The following HELQ variants were observed in gnomAD, a reference collection of about 807,000 sequenced individuals.
HELQ encodes the protein helicase, POLQ like, also known as helicase POLQ-like.
Under a neutral mutation model 111.6 loss-of-function variants are expected in HELQ, and 77 were observed. That is an observed-to-expected ratio of 0.69 (90% CI 0.57 to 0.83). The LOEUF is 0.83. Among genes scored for constraint, HELQ ranks in the 40% least tolerant of loss-of-function variants. HELQ has a pLI of 0.00. For synonymous variants in HELQ, 438 were observed against 454.7 expected, an observed-to-expected ratio of 0.96 and a Z score of 0.47; for missense variants, 1,200 against 1,288.5, an observed-to-expected ratio of 0.93 and a Z score of 1.05.
Position 83,431,655 on chromosome 4 carries a change from G to GA in HELQ, c.2295+8dup. The stretch of plus-strand genomic sequence containing the variant: ...AACAGTAATAAGATAAAAAATTTAA[G>GA]AAAAATACCTTCAAACCAATCAAAG... On this transcript the variant is annotated intron_variant, in intron 11 of 17. Transcript: ENST00000295488. 1 of 1,477,044 alleles carries GA rather than the reference G, an allele frequency of 6.8e-7. No individual in the cohort carries two copies. The highest frequency in any genetic ancestry group is 9.2e-7 in the Non-Finnish European group (1 of 1,086,320). The allele number at this position is 1,477,044 out of a possible 1,614,324, so 91.5% of individuals were successfully genotyped here.
intron 2 of HELQ, among the ~76,000 whole-genome samples, chr4:83,451,941 C>T (rs1047269872): frequency 1.3e-5 from 2 of 152,202 alleles, no homozygotes; most frequent in Admixed American, 6.5e-5. Flanking sequence ...TCTGCAAGAA[C>T]CCAAGTTTTC....
chr4:83,409,545 C>T (rs1272157583), intron 17 of HELQ, among the ~76,000 whole-genome samples: 2 of 148,766 alleles, frequency 1.3e-5, no homozygotes, highest in Non-Finnish European at 3.0e-5. Context: ...GAGAGCGATA[C>T]TCTGTCTCAA....
chr4:83,452,438 T>C (rs1295876856), intron 2 of HELQ, among the ~76,000 whole-genome samples: 1 of 152,210 alleles, frequency 6.6e-6, no homozygotes, highest in African/African-American at 2.4e-5. Flanking sequence ...AGCATCTGGG[T>C]GGTGGCAGGG....
chr4:83,424,988 T>C (rs1203918011), intron 14 of HELQ, among the ~76,000 whole-genome samples: 2 of 149,664 alleles, frequency 1.3e-5, no homozygotes, highest in Non-Finnish European at 3.0e-5. Flanking sequence ...ATAGAGGAGG[T>C]TGGGTGTGGT....
chr4:83,433,542 T>A (rs951249014), intron 9 of HELQ, among the ~76,000 whole-genome samples: 1 of 151,496 alleles, frequency 6.6e-6, no homozygotes, highest in Non-Finnish European at 1.5e-5. Flanking sequence ...GGCAGGCGCC[T>A]GTAGTCCCAG....
In HELQ at chr4:83,453,567, A is replaced by G; in HGVS notation, c.676T>C (p.Ser226Pro). ...TCCTCATTCACAGTGTTGTGAGAGG[A>G]TGACTTCCAATCCCTTTCTTTCATA... is the stretch of plus-strand genomic sequence containing the variant. ...HSMKERDWKS[S>P]SHNTVNEELP... The change falls in exon 2 of 18, where the codon TCC becomes CCC. Residue 226 changes from serine (S) to proline (P), a missense_variant. Physicochemically the swap from Ser to Pro is moderately conservative, Grantham distance 74. This residue lies in a region of HELQ where 610 missense variants were observed against 607.1 expected (regional missense o/e 1.00). Transcript: ENST00000295488. 6.2e-7 allele frequency: 1 copy of G among 1,613,300 alleles called. No homozygotes were observed. Among genetic ancestry groups the G allele is most frequent in the East Asian group, 2.2e-5 (1 of 44,850 alleles).
intron 14 of HELQ, among the ~76,000 whole-genome samples, chr4:83,424,515 C>A (rs1719738829): frequency 6.6e-6 from 1 of 152,216 alleles, no homozygotes; most frequent in Non-Finnish European, 1.5e-5. Context: ...TTTGCCTCAG[C>A]TTCCTGAGAA....
rs1720887659 is a variant in HELQ, at chr4:83,443,568, T to G, written c.1512A>C (p.Glu504Asp). The G allele has an allele frequency of 6.3e-7, 1 of 1,593,748 alleles. No individual in the cohort carries two copies. Among genetic ancestry groups the G allele is most frequent in the African/African-American group, 1.3e-5 (1 of 74,408 alleles). ...CTGCTTGAAGAAACTTTTGTAGGTC[T>G]TCAACATTGTTTAATGTTGCACTCA... ...IGMSATLNNV[E>D]DLQKFLQAEY... Residue 504 changes from glutamate to aspartate, a missense_variant, in exon 6 of 18, where the codon GAA (glutamate) becomes GAC (aspartate). Physicochemically the swap from Glu to Asp is conservative, Grantham distance 45 (BLOSUM62 2). Coordinates refer to ENST00000295488, the MANE Select transcript of HELQ (RefSeq NM_133636.5).
Position 83,427,624 on chromosome 4 carries a change from A to G in HELQ, c.2615T>C (p.Leu872Pro), listed in dbSNP as rs1292411611. 3.1e-6 allele frequency: 5 copies of G among 1,607,040 alleles called. No individual in the cohort carries two copies. The highest frequency in any genetic ancestry group is 4.2e-6 in the Non-Finnish European group (5 of 1,177,030). Residue 872 changes from leucine to proline, a missense_variant, in exon 13 of 18, where the codon CTA becomes CCA. Physicochemically the swap from Leu to Pro is moderately conservative, Grantham distance 98 (BLOSUM62 -3). Transcript: ENST00000295488. ...VLESLLHLIY[L>P]TTPYDLVSQC... ...TGAAACCAGATCATAGGGGGTTGTTAGGTAGATTAGATGAAGAAGGCTTTC... is the reference window on the plus strand; with the variant it reads ...TGAAACCAGATCATAGGGGGTTGTTGGGTAGATTAGATGAAGAAGGCTTTC...
Position 83,453,240 on chromosome 4 carries a change from T to C in HELQ, c.1003A>G (p.Lys335Glu), listed in dbSNP as rs750029587. 2 of 1,596,756 alleles carry C rather than the reference T, an allele frequency of 1.3e-6. No homozygotes were observed. The highest frequency in any genetic ancestry group is 2.7e-5 in the African/African-American group (2 of 73,692). The change falls in exon 2 of 18, where the codon AAA (lysine) becomes GAA (glutamate). Residue 335 changes from lysine (K) to glutamate (E), a missense_variant. By Grantham distance (56) the Lys-to-Glu change is moderately conservative. Coordinates refer to ENST00000295488, the MANE Select transcript of HELQ (RefSeq NM_133636.5). Reference sequence around the variant, plus strand: ...CAGCAAAAAGCATTACCATATAATTTTTCAATTCCCTTGAATTGGGCATAA... The same window carrying C: ...CAGCAAAAAGCATTACCATATAATTCTTCAATTCCCTTGAATTGGGCATAA... The part of the protein sequence containing the change: ...DLYAQFKGIE[K>E]LYEWQHTCLT...
chr4:83,408,110 A>G (rs936738119), intron 17 of HELQ, among the ~76,000 whole-genome samples: 13 of 152,326 alleles, frequency 8.5e-5, no homozygotes, highest in South Asian at 8.3e-4. Context: ...ATAATAAGCT[A>G]TATAGATCAA....
At chr4:83,432,101 A>G in intron 10 of HELQ, 25 bp downstream of exon 10, 1 of 1,533,268 alleles carries the variant, frequency 6.5e-7, no homozygotes, top group South Asian at 1.3e-5. Context: ...GACAAAAACA[A>G]CCAACCAACC....
At chr4:83,421,161 A>G (rs569334775) in intron 15 of HELQ, among the ~76,000 whole-genome samples, 1 of 152,318 alleles carries the variant, frequency 6.6e-6, no homozygotes, top group South Asian at 2.1e-4. Flanking sequence ...GTCACATGGT[A>G]GCTGTTGGAT....
Position 83,421,633 on chromosome 4 carries a change from G to A in HELQ, c.2879C>T (p.Pro960Leu). ...IWTVSEKFNM[P>L]RGYIQNLLTG... ...GAGAAGATTTTGTATATATCCTCGAGGCATATTAAATTTTTCAGATACAGT... is the reference window on the plus strand; with the variant it reads ...GAGAAGATTTTGTATATATCCTCGAAGCATATTAAATTTTTCAGATACAGT... Residue 960 changes from proline to leucine, a missense_variant, in exon 15 of 18, where the codon CCT becomes CTT. By Grantham distance (98) the Pro-to-Leu change is moderately conservative (BLOSUM62 -3). This residue lies in a region of HELQ where 585 missense variants were observed against 665.3 expected (regional missense o/e 0.88). Transcript: ENST00000295488. The A allele has an allele frequency of 6.2e-7, 1 of 1,613,356 alleles. No individual in the cohort carries two copies. The highest frequency in any genetic ancestry group is 8.5e-7 in the Non-Finnish European group (1 of 1,179,468).
At chr4:83,447,684 C>T (rs1721124447) in intron 3 of HELQ, among the ~76,000 whole-genome samples, 1 of 151,522 alleles carries the variant, frequency 6.6e-6, no homozygotes, top group Non-Finnish European at 1.5e-5. Flanking sequence ...CATGGCGAGA[C>T]ATCATCTCTA....
chr4:83,410,032 C>T (rs1205102409), intron 17 of HELQ, among the ~76,000 whole-genome samples: 1 of 152,054 alleles, frequency 6.6e-6, no homozygotes, highest in Admixed American at 6.6e-5. Flanking sequence ...AGGAGGATTG[C>T]TTGAGGCCAG....
chr4:83,411,595 C>A (rs949335723), intron 17 of HELQ, among the ~76,000 whole-genome samples: 4 of 149,188 alleles, frequency 2.7e-5, no homozygotes, highest in African/African-American at 1.0e-4. Context: ...CAGAGTCAGA[C>A]CCTGTCTCAA....
intron 14 of HELQ, among the ~76,000 whole-genome samples, chr4:83,424,005 T>C (rs1043883374): frequency 6.6e-6 from 1 of 152,128 alleles, no homozygotes; most frequent in East Asian, 1.9e-4. Flanking sequence ...GAGAAATCAA[T>C]TAGATTTTAA....
Position 83,447,027 on chromosome 4 carries a change from A to G in HELQ, c.1200T>C (p.Gly400=). ...CGAGTTCTATACCAAAACTTGACAA[A>G]CCTGAAATCTAGAATATTAGTTAAA... ...YVAIVQEKIS[G]LSSFGIELGF... is the part of the protein sequence containing the mutation. Residue 400 remains glycine, a synonymous_variant, in exon 4 of 18, where the codon GGT becomes GGC. Transcript: ENST00000295488. 6.2e-7 allele frequency: 1 copy of G among 1,609,160 alleles called. No individual in the cohort carries two copies. The highest frequency in any genetic ancestry group is 8.5e-7 in the Non-Finnish European group (1 of 1,175,956).
Sources: allele counts gnomAD v4.1 joint callset (sites outside exome capture counted in the v4.1 genomes callset), GRCh38; gene constraint gnomAD v4.1.1; regional missense constraint gnomAD v4.1.1; transcripts MANE v1.5; gene names NCBI Gene and HGNC (gene_info 2026-07-23, HGNC 2026-07-21).